Variants in RARB observed in about 807,000 individuals in gnomAD.
The protein encoded by RARB is retinoic acid receptor beta, also known as HBV-activated protein.
In RARB, 17 loss-of-function variants were observed where a neutral mutation model predicts 51.9. The observed-to-expected ratio is 0.33, with a 90% CI of 0.22 to 0.49. RARB has a LOEUF of 0.49. Among genes scored for constraint, RARB ranks in the 20% least tolerant of loss-of-function variants. The probability of loss-of-function intolerance (pLI) is 0.99; values close to 1 mark genes in which losing one functional copy is unlikely to be tolerated. For synonymous variants in RARB, 215 were observed against 195.4 expected, an observed-to-expected ratio of 1.10 and a Z score of -0.84; for missense variants, 369 against 550.8, an observed-to-expected ratio of 0.67 and a Z score of 3.30.
At chr3:25,527,793 A>T (rs1045332600) in intron 3 of RARB, among the ~76,000 whole-genome samples, 11 of 152,170 alleles carry the variant, frequency 7.2e-5, no homozygotes, top group African/African-American at 2.7e-4. Flanking sequence ...ACTAACTGTG[A>T]TTATCTTTGC....
chr3:25,177,825 T>C (rs748938001), intron 5 of RARB, among the ~76,000 whole-genome samples: 1 of 152,202 alleles, frequency 6.6e-6, no homozygotes, highest in Non-Finnish European at 1.5e-5. Context: ...ATTTAACCTC[T>C]CTGAATTTCT....
At chr3:25,255,511 C>G (rs1044631839) in intron 5 of RARB, among the ~76,000 whole-genome samples, 7 of 152,064 alleles carry the variant, frequency 4.6e-5, no homozygotes, top group Admixed American at 4.6e-4. Flanking sequence ...AGCATTTCAC[C>G]CTTGGCAACT....
rs544142359 is a variant in RARB, at chr3:24,962,059, A to G, written c.-379-98066A>G. ...ATTCTCCTTCCTCAGCCTCCCAAGT[A>G]GCTGGGACTACAGGTGCCCGCCACC... On this transcript the variant is annotated intron_variant, in intron 2 of 11. Coordinates refer to the RARB transcript ENST00000383772. Among the ~76,000 whole-genome samples the G allele has an allele frequency of 2.5e-3, 373 of 150,802 alleles. 1 individual carries two copies. Among genetic ancestry groups the G allele is most frequent in the African/African-American group, 8.5e-3 (351 of 41,132 alleles).
At chr3:25,165,476 GCT>G (rs1700547109) in intron 4 of RARB, among the ~76,000 whole-genome samples, 1 of 152,088 alleles carries the variant, frequency 6.6e-6, no homozygotes, top group Non-Finnish European at 1.5e-5. Flanking sequence ...CTGCTTCCAA[GCT>G]CTCTCTCAGG....
intron 3 of RARB, among the ~76,000 whole-genome samples, chr3:25,509,627 A>T (rs1321154056): frequency 2.6e-5 from 4 of 152,120 alleles, no homozygotes; most frequent in Non-Finnish European, 5.9e-5. Context: ...TTGCCCAGAG[A>T]TGCCGAGACA....
At chr3:24,888,825 C>G (rs902165650) in intron 2 of RARB, among the ~76,000 whole-genome samples, 1 of 152,108 alleles carries the variant, frequency 6.6e-6, no homozygotes, top group African/African-American at 2.4e-5. Context: ...TCAGTCTTCT[C>G]CATAGGGTTA....
At chr3:25,199,461 T>G (rs1020166018) in intron 5 of RARB, among the ~76,000 whole-genome samples, 7 of 152,120 alleles carry the variant, frequency 4.6e-5, no homozygotes, top group Non-Finnish European at 8.8e-5. Context: ...TGGAATTTTT[T>G]TATTATTATA....
chr3:24,964,472 A>G (rs953985389), intron 2 of RARB, among the ~76,000 whole-genome samples: 1 of 152,200 alleles, frequency 6.6e-6, no homozygotes, highest in African/African-American at 2.4e-5. Flanking sequence ...GAACATTTTT[A>G]TCAACCCACC....
upstream of RARB, among the ~76,000 whole-genome samples, chr3:25,427,597 T>A (rs959813423): frequency 6.6e-6 from 1 of 152,166 alleles, no homozygotes; most frequent in Non-Finnish European, 1.5e-5. Flanking sequence ...ATATGCTGCA[T>A]AGAACCTGGA....
At chr3:25,188,408 C>G (rs1701024544) in intron 5 of RARB, among the ~76,000 whole-genome samples, 1 of 152,064 alleles carries the variant, frequency 6.6e-6, no homozygotes, top group African/African-American at 2.4e-5. Flanking sequence ...TCGGCTGAAC[C>G]AAATATCCTA....
At chr3:25,273,222 G>C (rs2125412348) in intron 5 of RARB, among the ~76,000 whole-genome samples, 2 of 152,266 alleles carry the variant, frequency 1.3e-5, no homozygotes, top group South Asian at 4.1e-4. Context: ...AATCATTGCT[G>C]ATATTTCTGT....
intron 2 of RARB, among the ~76,000 whole-genome samples, chr3:25,469,389 C>G (rs113504252): frequency 6.6e-6 from 1 of 152,198 alleles, no homozygotes; most frequent in African/African-American, 2.4e-5. Flanking sequence ...TTTTAGCTTT[C>G]CTCACTCTGA....
At chr3:25,122,963 C>T (rs1402872233) in intron 3 of RARB, among the ~76,000 whole-genome samples, 3 of 152,168 alleles carry the variant, frequency 2.0e-5, no homozygotes, top group African/African-American at 7.2e-5. Flanking sequence ...AAGTTATCTA[C>T]CCCACTTCGC....
chr3:24,839,455 C>A (rs141143334), intron 1 of RARB, among the ~76,000 whole-genome samples: 1 of 151,236 alleles, frequency 6.6e-6, no homozygotes. Context: ...ATGATCCCGA[C>A]ACTTTGGGCT....
rs141767203 is a variant in RARB at position 25,392,579 on chromosome 3, A to G, written c.179-68614A>G. 4.6e-3 allele frequency among the ~76,000 whole-genome samples: 699 copies of G among 151,964 alleles called. 3 individuals carry two copies. Among genetic ancestry groups the G allele is most frequent in the African/African-American group, 0.016 (669 of 41,494 alleles). On this transcript the variant is annotated intron_variant, in intron 5 of 11. Transcript: ENST00000383772. ...CTGTGATTTCTTTCAGCAGTGTTTT[A>G]TAGTTTTCCTTGTAGAGGTCTTCCA...
At chr3:25,594,883 C>T (rs1490614648) in intron 7 of RARB, among the ~76,000 whole-genome samples, 3 of 149,760 alleles carry the variant, frequency 2.0e-5, no homozygotes, top group African/African-American at 7.3e-5. Flanking sequence ...ATTCAATTAT[C>T]TTAACGATTG....
chr3:25,210,529 C>CTTTTTTTTTTTT (rs773846113), intron 5 of RARB, among the ~76,000 whole-genome samples: 2 of 27,630 alleles, frequency 7.2e-5, no homozygotes, highest in African/African-American at 9.1e-5. Context: ...TTATCTGATT[C>CTTTTTTTTTTTT]TTTTTTTTTT....
intron 4 of RARB, among the ~76,000 whole-genome samples, chr3:25,171,479 G>A (rs1486949718): frequency 2.0e-3 from 12 of 5,870 alleles, no homozygotes; most frequent in African/African-American, 3.7e-3. Flanking sequence ...ATCAGTATAA[G>A]CAGTTTAAAA....
chr3:25,347,871 A>G (rs1705441339), intron 5 of RARB, among the ~76,000 whole-genome samples: 1 of 152,188 alleles, frequency 6.6e-6, no homozygotes. Flanking sequence ...AGCACTGGTG[A>G]TGTTGCAGGA....
Sources: allele counts gnomAD v4.1 joint callset (sites outside exome capture counted in the v4.1 genomes callset), GRCh38; gene constraint gnomAD v4.1.1; transcripts MANE v1.5; gene names NCBI Gene and HGNC (gene_info 2026-07-23, HGNC 2026-07-21).